OTOF: variants seen among roughly 807,000 people sequenced by gnomAD.
OTOF encodes the protein otoferlin.
Under a neutral mutation model 236.8 loss-of-function variants are expected in OTOF, and 218 were observed. The observed-to-expected ratio is 0.92, with a 90% confidence interval of 0.82 to 1.03. The LOEUF (loss-of-function observed/expected upper bound fraction) is 1.03, where lower values mean the gene tolerates loss of function less well. Ranked by LOEUF, OTOF falls within the 50% of genes least tolerant of loss-of-function variation. The probability of loss-of-function intolerance (pLI) is 0.00; values close to 1 mark genes in which losing one functional copy is unlikely to be tolerated. For missense variants in OTOF, 2,590 were observed against 2,694.4 expected (o/e 0.96, Z 0.86); for synonymous variants, 1,041 against 1,072.5 (o/e 0.97, Z 0.57).
At chr2:26,483,220 C>T (rs1416098131) in intron 13 of OTOF, among the ~76,000 whole-genome samples, 1 of 151,836 alleles carries the variant, frequency 6.6e-6, no homozygotes, top group Non-Finnish European at 1.5e-5. Context: ...TGTGTGCGTG[C>T]CTGTGTGTGG....
rs1212723180 is a variant in OTOF, at chr2:26,460,816, G to A, written c.5712+36C>T. 6.2e-7 allele frequency: 1 copy of A among 1,613,934 alleles called. No homozygotes were observed. Among genetic ancestry groups the A allele is most frequent in the Admixed American group, 1.7e-5 (1 of 60,018 alleles). On this transcript the variant is annotated intron_variant, in intron 44 of 46. Transcript: ENST00000272371. The surrounding 1 kb of genome is among the most constrained non-coding windows in gnomAD (Gnocchi z 5.3). ...GCCCTTGGCACCCCAGCCAGTCCCA[G>A]CCCTGCCTACTGCCCGAGCAGGAAG...
At chr2:26,502,170 G>T (rs1003542478) in intron 7 of OTOF, 130 bp downstream of exon 7, 1 of 956,632 alleles carries the variant, frequency 1.0e-6, no homozygotes, top group Non-Finnish European at 1.6e-6. Flanking sequence ...AGCAGAAAAG[G>T]GTAAGGTTAG....
intron 11 of OTOF, among the ~76,000 whole-genome samples, chr2:26,486,636 A>G (rs1665708303): frequency 6.6e-6 from 1 of 152,212 alleles, no homozygotes; most frequent in Admixed American, 6.5e-5. Flanking sequence ...AGGGTGACAG[A>G]TTTTGAGATG....
intron 2 of OTOF, among the ~76,000 whole-genome samples, chr2:26,532,395 G>A (rs1282438684): frequency 6.6e-6 from 1 of 152,132 alleles, no homozygotes; most frequent in Non-Finnish European, 1.5e-5. Flanking sequence ...ACTGCTGGGG[G>A]ACTCAAGTAG....
At chr2:26,479,451 G>A in intron 17 of OTOF, 22 bp downstream of exon 17, 11 of 1,603,954 alleles carry the variant, frequency 6.9e-6, no homozygotes, top group Non-Finnish European at 9.4e-6. Flanking sequence ...CAGGCCACAG[G>A]AGGATGGGAG....
At chr2:26,531,848 T>C (rs1328529820) in intron 2 of OTOF, among the ~76,000 whole-genome samples, 1 of 152,018 alleles carries the variant, frequency 6.6e-6, no homozygotes, top group Non-Finnish European at 1.5e-5. Flanking sequence ...AAACACAGCA[T>C]TTTGGGAGGC....
intron 26 of OTOF, 77 bp downstream of exon 26, chr2:26,474,436 G>T: frequency 1.6e-6 from 2 of 1,243,076 alleles, no homozygotes; most frequent in Non-Finnish European, 2.2e-6. Context: ...CAGCCTTCAG[G>T]GTCCAGCCCC....
At chr2:26,484,351 G>A in intron 12 of OTOF, 123 bp downstream of exon 12, 2 of 1,016,186 alleles carry the variant, frequency 2.0e-6, no homozygotes, top group Admixed American at 3.9e-5. Flanking sequence ...CTGCTTGGGA[G>A]AGTGAGCGAG....
intron 1 of OTOF, among the ~76,000 whole-genome samples, chr2:26,549,813 G>T (rs555680922): frequency 3.9e-5 from 6 of 152,126 alleles, no homozygotes; most frequent in African/African-American, 7.2e-5. Context: ...GACTGAAAGC[G>T]CTGGTTCCCA....
Position 26,460,190 on chromosome 2 carries a change from G to C in OTOF, c.5829C>G (p.Ser1943Arg). 6.2e-7 allele frequency: 1 copy of C among 1,604,144 alleles called. No individual in the cohort carries two copies. Residue 1943 changes from serine to arginine, a missense_variant, in exon 46 of 47, where the codon AGC becomes AGG. By Grantham distance (110) the Ser-to-Arg change is moderately radical (BLOSUM62 -1). Around this residue, in one of 2 missense-constraint regions of OTOF, gnomAD observed 1,211 missense variants for 1,352.8 expected, o/e 0.90. Coordinates refer to ENST00000272371, the MANE Select transcript of OTOF (RefSeq NM_194248.3). The surrounding 1 kb of genome is among the most constrained non-coding windows in gnomAD (Gnocchi z 5.3). ...PLEKPNRPDTSFIWFLNPLKS... is the reference protein window; with the variant it reads ...PLEKPNRPDTRFIWFLNPLKS... ...TGAGAGGGTTCAGGAACCAGATGAA[G>C]CTCGTGTCGGGCCGGCTGGAGTATG...
rs1224651177 is a variant in OTOF at position 26,475,831 on chromosome 2, GCCCCACAGGCTCCAGT to G, written c.2991+67_2991+82del. 7.3e-6 allele frequency: 11 copies of G among 1,512,356 alleles called. No individual in the cohort carries two copies. The East Asian group carries it at 7.4e-5, about 10-fold the overall frequency. 93.7% of individuals were successfully genotyped at this position (1,512,356 alleles called of 1,614,324 possible). On this transcript the variant is annotated intron_variant, in intron 24 of 46. Transcript: ENST00000272371. ...GGCTCCAGGCCCCACAGGCTCACAG[GCCCCACAGGCTCCAGT>G]CCCCACAGGCTCACAGGCTTCTGGT...
chr2:26,475,116 G>C (rs1665188469), intron 25 of OTOF, among the ~76,000 whole-genome samples: 1 of 152,120 alleles, frequency 6.6e-6, no homozygotes, highest in Non-Finnish European at 1.5e-5. Context: ...CACACCTCCA[G>C]GGCTCAGTCT....
intron 10 of OTOF, 70 bp from the exon 11 acceptor site, chr2:26,489,365 G>T: frequency 8.1e-7 from 1 of 1,236,906 alleles, no homozygotes; most frequent in Non-Finnish European, 1.2e-6. Context: ...GCAGTGGTGG[G>T]ACCCGAGCTT....
intron 5 of OTOF, among the ~76,000 whole-genome samples, chr2:26,505,434 C>G (rs201439630): frequency 3.3e-5 from 5 of 149,576 alleles, no homozygotes; most frequent in South Asian, 4.3e-4. Flanking sequence ...CACACACACA[C>G]AGACACACAC....
intron 13 of OTOF, 124 bp downstream of exon 13, chr2:26,483,324 TCCTCTAAGTCCGTC>T: frequency 2.5e-6 from 2 of 792,866 alleles, no homozygotes; most frequent in South Asian, 1.5e-5. Context: ...GCAGTGAGGA[TCCTCTAAGTCCGTC>T]CCTGGCCAAC....
rs774994239 is a variant in OTOF, at chr2:26,464,944, G to T, written c.4885C>A (p.His1629Asn). 2.5e-6 allele frequency: 4 copies of T among 1,579,368 alleles called. No individual in the cohort carries two copies. The highest frequency in any genetic ancestry group is 3.5e-5 in the Admixed American group (2 of 56,382). ...TTCACTCTCCCAGGGGGCCCAAAGT[G>T]GGGGCCGTCCACTTTGCCGTCTTTG... ...LCKDGKVDGPHFGPPGRVKVA... is the reference protein window; with the variant it reads ...LCKDGKVDGPNFGPPGRVKVA... Residue 1629 changes from histidine (H) to asparagine (N), a missense_variant, in exon 39 of 47, where the codon CAC becomes AAC. This residue lies in a region of OTOF where 1,211 missense variants were observed against 1,352.8 expected (regional missense o/e 0.90). Transcript: ENST00000272371.
intron 2 of OTOF, among the ~76,000 whole-genome samples, chr2:26,533,946 C>T (rs564264437): frequency 1.3e-5 from 2 of 152,230 alleles, no homozygotes; most frequent in South Asian, 2.1e-4. Flanking sequence ...TGTCATCCCC[C>T]AGGCTGGAGA....
chr2:26,491,858 C>T (rs1665850639), intron 9 of OTOF, among the ~76,000 whole-genome samples: 2 of 152,224 alleles, frequency 1.3e-5, no homozygotes, highest in Admixed American at 1.3e-4. Flanking sequence ...GAGCTAGAGC[C>T]AGAATCCCGA....
At chr2:26,459,405 A>AGG (rs1664343735) in intron 46 of OTOF, among the ~76,000 whole-genome samples, 1 of 152,042 alleles carries the variant, frequency 6.6e-6, no homozygotes, top group Non-Finnish European at 1.5e-5. Context: ...ACAAAAAATT[A>AGG]TCCAGGCGTG....
Sources: gnomAD v4.1 joint callset for allele counts (sites outside exome capture counted in the v4.1 genomes callset) on GRCh38, gnomAD v4.1.1 for gene constraint, gnomAD v4.1.1 regional missense constraint, Gnocchi (gnomAD v3.1) non-coding constraint, MANE v1.5 for transcripts, NCBI Gene and HGNC (gene_info 2026-07-23, HGNC 2026-07-21) for gene names.